The following AGAP3 variants were observed in gnomAD, a reference collection of about 807,000 sequenced individuals.
The protein encoded by AGAP3 is ArfGAP with GTPase domain, ankyrin repeat and PH domain 3.
AGAP3 carries 24 observed loss-of-function variants against 96.9 expected under a neutral mutation model. The observed-to-expected ratio is 0.25, with a 90% CI of 0.18 to 0.35. The LOEUF is 0.35. Ranked by LOEUF, AGAP3 falls within the 10% of genes least tolerant of loss-of-function variation. The pLI is 1.00. For missense variants in AGAP3, 876 were observed against 1,254.2 expected (o/e 0.70, Z 4.55); for synonymous variants, 563 against 536.1 (o/e 1.05, Z -0.69).
rs1799727697 is a variant in AGAP3 at position 151,118,896 on chromosome 7, C to T, written c.969+264C>T. On this transcript the variant is annotated intron_variant, in intron 7 of 17. Coordinates refer to ENST00000397238, the MANE Select transcript of AGAP3 (RefSeq NM_031946.7). This position sits in a 1 kb window ranked among gnomAD's most constrained non-coding sequence, Gnocchi z 6.1. ...CTCCACCATTCCACAGCCTGCATTC[C>T]CTACCCCGATGCCCTCTGCTGAAAG... 6.6e-6 allele frequency among the ~76,000 whole-genome samples: 1 copy of T among 152,232 alleles called. No individual in the cohort carries two copies. The highest frequency in any genetic ancestry group is 2.4e-5 in the African/African-American group (1 of 41,454).
At position 151,086,707 on chromosome 7, in the gene AGAP3, C is replaced by T; in HGVS notation, c.-35C>T. The T allele has an allele frequency of 8.6e-6, 5 of 579,070 alleles. No homozygotes were observed. The highest frequency in any genetic ancestry group is 1.1e-5 in the Non-Finnish European group (5 of 460,652). The allele number at this position is 579,070 out of a possible 1,614,324, so 35.9% of individuals were successfully genotyped here. A position where few individuals can be genotyped will look rare whatever the true frequency, so the allele number is the denominator to read the frequency against. On this transcript the variant is annotated 5_prime_UTR_variant, in exon 1 of 18. Coordinates refer to ENST00000397238, the MANE Select transcript of AGAP3 (RefSeq NM_031946.7). Reference sequence around the variant, plus strand: ...GCCGCCGCCGCCTCCGCCGCGCCGCCCCGGGCCCGCCTCGGGCCCCACGGC... The same window carrying T: ...GCCGCCGCCGCCTCCGCCGCGCCGCTCCGGGCCCGCCTCGGGCCCCACGGC...
At chr7:151,117,282 C>G (rs1211738083) in intron 3 of AGAP3, 89 bp from the exon 4 acceptor site, 1 of 1,596,524 alleles carries the variant, frequency 6.3e-7, no homozygotes, top group East Asian at 2.2e-5. Context: ...TTCCAGTCCT[C>G]TTCCCTCCCG....
At chr7:151,100,351 G>A (rs1798788004) in intron 1 of AGAP3, among the ~76,000 whole-genome samples, 1 of 152,194 alleles carries the variant, frequency 6.6e-6, no homozygotes, top group Non-Finnish European at 1.5e-5. Context: ...TGCCACCTGA[G>A]CCTGCTCTGT....
At chr7:151,138,715 A>G (rs1212473336) in intron 12 of AGAP3, among the ~76,000 whole-genome samples, 1 of 152,018 alleles carries the variant, frequency 6.6e-6, no homozygotes, top group Non-Finnish European at 1.5e-5. Context: ...CGGCAGGGGG[A>G]CGGGGAAGCG....
Position 151,142,131 on chromosome 7 carries a change from C to T in AGAP3, c.1960-32C>T, listed in dbSNP as rs755969141. On this transcript the variant is annotated intron_variant, in intron 14 of 17. Coordinates refer to ENST00000397238, the MANE Select transcript of AGAP3 (RefSeq NM_031946.7). The surrounding 1 kb of genome is among the most constrained non-coding windows in gnomAD (Gnocchi z 7.5). ...AAGGGGCCTCATGACTGACCAACCGCCCCTTGTCTTGTCTCTCCTGCTGTG... is the reference window on the plus strand; with the variant it reads ...AAGGGGCCTCATGACTGACCAACCGTCCCTTGTCTTGTCTCTCCTGCTGTG... 2 of 1,612,068 alleles carry T rather than the reference C, an allele frequency of 1.2e-6. No homozygotes were observed. Among genetic ancestry groups the T allele is most frequent in the East Asian group, 2.2e-5 (1 of 44,850 alleles).
Position 151,086,690 on chromosome 7 carries a change from CG to C in AGAP3, c.-51del. 3.9e-6 allele frequency: 1 copy of C among 257,100 alleles called. No homozygotes were observed. The highest frequency in any genetic ancestry group is 6.0e-6 in the Non-Finnish European group (1 of 166,946). 15.9% of individuals were successfully genotyped at this position (257,100 alleles called of 1,614,324 possible). A position where few individuals can be genotyped will look rare whatever the true frequency, so the allele number is the denominator to read the frequency against. On this transcript the variant is annotated 5_prime_UTR_variant, in exon 1 of 18. Coordinates refer to ENST00000397238, the MANE Select transcript of AGAP3 (RefSeq NM_031946.7). ...CCGCTGCCGCCGCCGCCGCCGCCGC[CG>C]CCTCCGCCGCGCCGCCCCGGGCCCG...
In AGAP3 at chr7:151,133,926, A is replaced by G. The variant is rs1800493398; in HGVS notation, c.1327-474A>G. Among the ~76,000 whole-genome samples, 1 of 152,156 alleles carries G rather than the reference A, an allele frequency of 6.6e-6. No individual in the cohort carries two copies. Among genetic ancestry groups the G allele is most frequent in the Admixed American group, 6.5e-5 (1 of 15,268 alleles). On this transcript the variant is annotated intron_variant, in intron 10 of 17. Coordinates refer to ENST00000397238, the MANE Select transcript of AGAP3 (RefSeq NM_031946.7). The surrounding 1 kb of genome is among the most constrained non-coding windows in gnomAD (Gnocchi z 5.4). ...CTGTTTGACAAGTGTTTATTATCAG[A>G]CACTGTCCTAAGGGCTGGGACTATT...
At chr7:151,100,053 G>C (rs1029309993) in intron 1 of AGAP3, among the ~76,000 whole-genome samples, 3 of 152,144 alleles carry the variant, frequency 2.0e-5, no homozygotes, top group African/African-American at 7.2e-5. Flanking sequence ...CTTCCTACCC[G>C]CTCTTGTGAA....
At chr7:151,126,646 T>C (rs892672371) in intron 9 of AGAP3, among the ~76,000 whole-genome samples, 6 of 152,136 alleles carry the variant, frequency 3.9e-5, no homozygotes, top group Admixed American at 3.9e-4. Context: ...GTCCCATGGC[T>C]GGTCGCAGCG....
In AGAP3 at chr7:151,120,017, G is replaced by A. The variant is rs201046045; in HGVS notation, c.1000G>A (p.Asp334Asn). Residue 334 changes from aspartate (D) to asparagine (N), a missense_variant, in exon 8 of 18, where the codon GAC becomes AAC. Coordinates refer to ENST00000397238, the MANE Select transcript of AGAP3 (RefSeq NM_031946.7). ...ATNGGGSAFS[D>N]YSSSVPSTPS... ...GAATGGCGGCGGCAGCGCCTTCAGC[G>A]ACTACTCGTCCTCAGTCCCCTCCAC... 6.3e-5 allele frequency: 102 copies of A among 1,613,696 alleles called. No homozygotes were observed. Among genetic ancestry groups the A allele is most frequent in the South Asian group, 3.0e-4 (27 of 91,088 alleles).
In AGAP3 at chr7:151,108,158, G is replaced by T. The variant is rs1170568634; in HGVS notation, c.332-8635G>T. Among the ~76,000 whole-genome samples the T allele has an allele frequency of 6.6e-6, 1 of 152,180 alleles. No individual in the cohort carries two copies. Among genetic ancestry groups the T allele is most frequent in the Non-Finnish European group, 1.5e-5 (1 of 68,020 alleles). On this transcript the variant is annotated intron_variant, in intron 1 of 17. Coordinates refer to ENST00000397238, the MANE Select transcript of AGAP3 (RefSeq NM_031946.7). This position sits in a 1 kb window ranked among gnomAD's most constrained non-coding sequence, Gnocchi z 4.2. ...TTAGAACATGGCCAGATGGGACAAA[G>T]CCAGGAGGCCAGATGGGGGACATGC...
At chr7:151,116,988 C>T (rs1799621877) in intron 2 of AGAP3, 107 bp from the exon 3 acceptor site, 1 of 1,477,062 alleles carries the variant, frequency 6.8e-7, no homozygotes, top group Non-Finnish European at 9.4e-7. Context: ...CTCTCCTCCC[C>T]TTCAGCCCTG....
intron 1 of AGAP3, chr7:151,115,592 G>C (rs1799532065): frequency 8.6e-7 from 1 of 1,165,564 alleles, no homozygotes; most frequent in Non-Finnish European, 1.1e-6. Context: ...CCGCGCCGCT[G>C]TGGGGCCGTC....
chr7:151,110,167 C>T (rs1484215841), intron 1 of AGAP3, among the ~76,000 whole-genome samples: 2 of 152,238 alleles, frequency 1.3e-5, no homozygotes, highest in Non-Finnish European at 2.9e-5. Flanking sequence ...GGGCCCATCT[C>T]TCTTAGGCCT....
chr7:151,093,108 A>G (rs931980444), intron 1 of AGAP3, among the ~76,000 whole-genome samples: 2 of 152,132 alleles, frequency 1.3e-5, no homozygotes, highest in African/African-American at 4.8e-5. Flanking sequence ...AGAAACATAT[A>G]TATGTATGTA....
At chr7:151,130,055 C>T (rs1336020852) in intron 10 of AGAP3, among the ~76,000 whole-genome samples, 1 of 152,228 alleles carries the variant, frequency 6.6e-6, no homozygotes, top group African/African-American at 2.4e-5. Context: ...TAGCCGTGCC[C>T]TCTGCTCATG....
chr7:151,134,860 G>A (rs377482003), intron 11 of AGAP3, among the ~76,000 whole-genome samples: 3 of 152,150 alleles, frequency 2.0e-5, no homozygotes, highest in Admixed American at 2.0e-4. Flanking sequence ...CTGGATCCGA[G>A]GCAGGCGATG....
At chr7:151,128,036 C>T (rs748131552) in intron 9 of AGAP3, among the ~76,000 whole-genome samples, 1 of 152,166 alleles carries the variant, frequency 6.6e-6, no homozygotes, top group Non-Finnish European at 1.5e-5. Context: ...GCTGGGTCTT[C>T]CTGCTGCCTG....
rs775248280 is a variant in AGAP3 at position 151,108,291 on chromosome 7, A to G, written c.332-8502A>G. On this transcript the variant is annotated intron_variant, in intron 1 of 17. Transcript: ENST00000397238. The surrounding 1 kb of genome is among the most constrained non-coding windows in gnomAD (Gnocchi z 4.2). The stretch of plus-strand genomic sequence containing the variant: ...CAAACTGCTCTCAAGTACCATCTGT[A>G]GTACTACAATACCGCCATGTCACCG... 6.6e-6 allele frequency among the ~76,000 whole-genome samples: 1 copy of G among 152,216 alleles called. No individual in the cohort carries two copies. The highest frequency in any genetic ancestry group is 1.5e-5 in the Non-Finnish European group (1 of 68,028).
Sources: allele counts gnomAD v4.1 joint callset (sites outside exome capture counted in the v4.1 genomes callset), GRCh38; gene constraint gnomAD v4.1.1; non-coding constraint Gnocchi (gnomAD v3.1); transcripts MANE v1.5; gene names NCBI Gene and HGNC (gene_info 2026-07-23, HGNC 2026-07-21).